Variants in C1orf94 observed in about 807,000 individuals in gnomAD.
C1orf94 encodes uncharacterized protein C1orf94.
A neutral mutation model predicts 53.6 loss-of-function variants in C1orf94; 45 were observed. The ratio of observed to expected loss-of-function variants is 0.84; its 90% CI spans 0.66 to 1.08. The LOEUF is 1.08. Among genes scored for constraint, C1orf94 ranks in the 50% least tolerant of loss-of-function variants. C1orf94 has a pLI of 0.00. For synonymous variants in C1orf94, 304 were observed against 296.1 expected, an observed-to-expected ratio of 1.03 and a Z score of -0.27; for missense variants, 762 against 738.9, an observed-to-expected ratio of 1.03 and a Z score of -0.36.
chr1:34,167,701 A>G (rs1241927423), intron 1 of C1orf94, among the ~76,000 whole-genome samples: 1 of 152,060 alleles, frequency 6.6e-6, no homozygotes, highest in African/African-American at 2.4e-5. Context: ...GATGCAGGCC[A>G]GAGGTGGAAA....
intron 4 of C1orf94, among the ~76,000 whole-genome samples, chr1:34,203,060 T>A (rs1483599520): frequency 2.6e-5 from 4 of 152,248 alleles, no homozygotes; most frequent in Non-Finnish European, 4.4e-5. Flanking sequence ...GACTTGAGCA[T>A]CCTCATATGC....
chr1:34,191,983 G>C (rs926115749), intron 1 of C1orf94, among the ~76,000 whole-genome samples: 2 of 152,160 alleles, frequency 1.3e-5, no homozygotes, highest in Non-Finnish European at 2.9e-5. Context: ...AGCAGAGGTG[G>C]CACCGCGTGG....
upstream of C1orf94, among the ~76,000 whole-genome samples, chr1:34,171,972 A>C (rs537949205): frequency 6.6e-6 from 1 of 152,254 alleles, no homozygotes; most frequent in East Asian, 1.9e-4. Context: ...TTGATGCTGT[A>C]GTTTGTACTT....
chr1:34,207,197 G>A (rs1642810530), intron 4 of C1orf94, among the ~76,000 whole-genome samples: 1 of 152,002 alleles, frequency 6.6e-6, no homozygotes, highest in Non-Finnish European at 1.5e-5. Context: ...GGAAAACTCG[G>A]GATTGACAGG....
At chr1:34,176,687 G>T (rs1642230564), upstream of C1orf94, among the ~76,000 whole-genome samples, 1 of 152,172 alleles carries the variant, frequency 6.6e-6, no homozygotes, top group African/African-American at 2.4e-5. Context: ...TGAGCCCAGC[G>T]CTTGGCACAG....
intron 1 of C1orf94, among the ~76,000 whole-genome samples, 182 bp downstream of exon 1, chr1:34,178,291 G>A (rs1642260908): frequency 6.6e-6 from 1 of 152,130 alleles, no homozygotes; most frequent in African/African-American, 2.4e-5. Flanking sequence ...AAGTTTTGTG[G>A]GTGAAGAGTC....
In C1orf94 at chr1:34,215,657, A is replaced by C. The variant is rs916938940; in HGVS notation, c.1722-3029A>C. Among the ~76,000 whole-genome samples, 3 of 152,270 alleles carry C rather than the reference A, an allele frequency of 2.0e-5. No individual in the cohort carries two copies. The East Asian group carries it at 5.8e-4, about 29-fold the overall frequency. On this transcript the variant is annotated intron_variant, in intron 6 of 6. Transcript: ENST00000488417. ...TGTGATGAGGGAAAGGGAAAAGTCA[A>C]ACAAATTCCTTGGTTTTTGACTTGT...
intron 1 of C1orf94, among the ~76,000 whole-genome samples, chr1:34,194,446 G>T (rs1009684687): frequency 6.6e-6 from 1 of 152,160 alleles, no homozygotes; most frequent in Non-Finnish European, 1.5e-5. Flanking sequence ...CCATCATGGG[G>T]TGATTTTTGG....
chr1:34,209,387 A>G (rs1284326535), intron 5 of C1orf94, among the ~76,000 whole-genome samples: 1 of 150,056 alleles, frequency 6.7e-6, no homozygotes, highest in Admixed American at 6.6e-5. Flanking sequence ...GTGCAGGCAC[A>G]GGGACACAAA....
chr1:34,217,181 G>T (rs1643003034), intron 6 of C1orf94, among the ~76,000 whole-genome samples: 1 of 152,172 alleles, frequency 6.6e-6, no homozygotes, highest in African/African-American at 2.4e-5. Context: ...GGCAACTCAA[G>T]CTCCTCCTCC....
intron 1 of C1orf94, among the ~76,000 whole-genome samples, chr1:34,169,557 C>T (rs964955378): frequency 5.4e-5 from 8 of 148,076 alleles, no homozygotes; most frequent in African/African-American, 1.7e-4. Context: ...CTGAAATTTT[C>T]ATTCTGACCC....
chr1:34,199,603 T>A (rs1014198037), intron 2 of C1orf94, among the ~76,000 whole-genome samples: 14 of 152,214 alleles, frequency 9.2e-5, no homozygotes, highest in Admixed American at 5.2e-4. Flanking sequence ...TCTGGCTGCA[T>A]CCAGACAGAT....
intron 1 of C1orf94, among the ~76,000 whole-genome samples, chr1:34,181,293 T>A (rs1429137845): frequency 6.6e-6 from 1 of 152,226 alleles, no homozygotes; most frequent in Non-Finnish European, 1.5e-5. Flanking sequence ...GTTAGTTTCC[T>A]GTCCACACTG....
chr1:34,167,002 C>G (rs1642035140), exon 1 of C1orf94: 2 of 152,310 alleles, frequency 1.3e-5, no homozygotes, highest in South Asian at 4.1e-4. Context: ...TGCTGGGTGC[C>G]AAGAACCAAC....
chr1:34,217,346 G>A (rs1369996855), intron 6 of C1orf94, among the ~76,000 whole-genome samples: 1 of 152,206 alleles, frequency 6.6e-6, no homozygotes, highest in East Asian at 1.9e-4. Context: ...AATCAGATAT[G>A]AGCTGTGTCA....
intron 6 of C1orf94, among the ~76,000 whole-genome samples, chr1:34,213,287 G>A (rs1017346266): frequency 4.6e-5 from 7 of 152,208 alleles, no homozygotes; most frequent in East Asian, 1.9e-4. Context: ...CTGCAGTGCC[G>A]ACCCATGTCC....
intron 1 of C1orf94, among the ~76,000 whole-genome samples, chr1:34,193,301 C>A (rs965819833): frequency 6.6e-6 from 1 of 152,128 alleles, no homozygotes; most frequent in South Asian, 2.1e-4. Context: ...GCCCCAGACT[C>A]TCTCCTGTTC....
intron 1 of C1orf94, among the ~76,000 whole-genome samples, chr1:34,190,859 G>T (rs1642470240): frequency 6.6e-6 from 1 of 152,192 alleles, no homozygotes; most frequent in African/African-American, 2.4e-5. Context: ...CCACCCCAAA[G>T]CTTAGTGGCT....
intron 1 of C1orf94, among the ~76,000 whole-genome samples, chr1:34,171,310 T>C (rs1642142018): frequency 6.6e-6 from 1 of 152,248 alleles, no homozygotes; most frequent in African/African-American, 2.4e-5. Context: ...AAAGCTTCCC[T>C]TCTCCTTCTG....
Sources: gnomAD v4.1 joint callset for allele counts (sites outside exome capture counted in the v4.1 genomes callset) on GRCh38, gnomAD v4.1.1 for gene constraint, MANE v1.5 for transcripts, NCBI Gene and HGNC (gene_info 2026-07-23, HGNC 2026-07-21) for gene names.